Variants in SPIRE1 observed in about 807,000 individuals in gnomAD.
SPIRE1 encodes the protein protein spire homolog 1.
SPIRE1 carries 40 observed loss-of-function variants against 94.1 expected under a neutral mutation model. The observed-to-expected ratio is 0.43, with a 90% CI of 0.33 to 0.55. The LOEUF is 0.55. SPIRE1 is among the 20% of genes least tolerant of loss of function. The pLI, the probability that SPIRE1 is intolerant of heterozygous loss-of-function variation, is 0.06. For synonymous variants in SPIRE1, 376 were observed against 371.7 expected (o/e 1.01, Z -0.13); for missense variants, 838 against 975.2 (o/e 0.86, Z 1.87).
chr18:12,505,264 G>A (rs949075522), intron 6 of SPIRE1, among the ~76,000 whole-genome samples: 1 of 152,198 alleles, frequency 6.6e-6, no homozygotes, highest in African/African-American at 2.4e-5. Flanking sequence ...AGATATTTTG[G>A]CCAAGTGCCG....
chr18:12,461,474 G>A (rs373711606), intron 12 of SPIRE1, among the ~76,000 whole-genome samples: 4 of 147,270 alleles, frequency 2.7e-5, no homozygotes, highest in Non-Finnish European at 6.0e-5. Context: ...ACATATGTAC[G>A]TACATACATA....
intron 3 of SPIRE1, among the ~76,000 whole-genome samples, chr18:12,538,285 CAA>C (rs2034901985): frequency 1.3e-5 from 2 of 151,692 alleles, no homozygotes; most frequent in South Asian, 4.2e-4. Flanking sequence ...TTTATAGTTC[CAA>C]AAAAAGAGAC....
At chr18:12,532,852 A>G (rs1434224488) in intron 4 of SPIRE1, among the ~76,000 whole-genome samples, 1 of 152,222 alleles carries the variant, frequency 6.6e-6, no homozygotes, top group East Asian at 1.9e-4. Context: ...GTCACTCAAG[A>G]TGAGAGAAGT....
intron 1 of SPIRE1, among the ~76,000 whole-genome samples, chr18:12,649,487 T>G (rs750049240): frequency 2.0e-5 from 3 of 152,226 alleles, no homozygotes; most frequent in Admixed American, 1.3e-4. Context: ...TAAACAAATA[T>G]CTGAAAGAAG....
chr18:12,650,901 A>C (rs4796966), intron 1 of SPIRE1, among the ~76,000 whole-genome samples: 22,820 of 150,128 alleles, frequency 0.15, 1,993 homozygotes, highest in Admixed American at 0.23. Context: ...AAAAAGTGAT[A>C]GCAATCTTAT....
intron 2 of SPIRE1, among the ~76,000 whole-genome samples, chr18:12,587,720 T>G (rs1223548833): frequency 2.0e-5 from 3 of 152,122 alleles, no homozygotes; most frequent in Non-Finnish European, 4.4e-5. Flanking sequence ...ACCCAGTGAT[T>G]TAGGCATTAG....
chr18:12,622,280 T>G (rs541552956), intron 2 of SPIRE1, among the ~76,000 whole-genome samples: 82 of 152,276 alleles, frequency 5.4e-4, no homozygotes, highest in African/African-American at 1.8e-3. Context: ...AAAACACATC[T>G]GTGTAGCGTG....
intron 6 of SPIRE1, among the ~76,000 whole-genome samples, chr18:12,500,717 A>G (rs1291287524): frequency 6.6e-6 from 1 of 152,166 alleles, no homozygotes; most frequent in Non-Finnish European, 1.5e-5. Context: ...CCAATTGGAA[A>G]GAACCCAAAT....
intron 5 of SPIRE1, among the ~76,000 whole-genome samples, chr18:12,510,612 G>A (rs538381480): frequency 1.5e-4 from 22 of 150,966 alleles, no homozygotes; most frequent in African/African-American, 3.4e-4. Flanking sequence ...GTGCGATCTC[G>A]GCTCACCCCA....
At chr18:12,649,591 G>A (rs1261189726) in intron 1 of SPIRE1, among the ~76,000 whole-genome samples, 1 of 152,196 alleles carries the variant, frequency 6.6e-6, no homozygotes, top group Non-Finnish European at 1.5e-5. Context: ...GAGAACTGCT[G>A]TTATTTTATA....
chr18:12,504,667 T>C (rs1044602216), intron 6 of SPIRE1, among the ~76,000 whole-genome samples: 1 of 152,198 alleles, frequency 6.6e-6, no homozygotes, highest in Non-Finnish European at 1.5e-5. Flanking sequence ...GTCAGGCCCA[T>C]GTTCTTGTCA....
At chr18:12,510,286 T>C (rs1425394910) in intron 5 of SPIRE1, among the ~76,000 whole-genome samples, 1 of 152,076 alleles carries the variant, frequency 6.6e-6, no homozygotes, top group Non-Finnish European at 1.5e-5. Context: ...ATTTTGATTG[T>C]GGTGATGGTT....
intron 1 of SPIRE1, among the ~76,000 whole-genome samples, chr18:12,646,206 T>C (rs1009717542): frequency 6.6e-6 from 1 of 152,094 alleles, no homozygotes; most frequent in African/African-American, 2.4e-5. Context: ...CCTCACATAG[T>C]CTTCCTTTTA....
upstream of SPIRE1, among the ~76,000 whole-genome samples, chr18:12,661,120 C>A (rs1330319241): frequency 6.6e-6 from 1 of 152,052 alleles, no homozygotes; most frequent in Non-Finnish European, 1.5e-5. Flanking sequence ...CCAGCCTGGC[C>A]AACATGGCAA....
chr18:12,466,188 CAAAAAT>C lies in SPIRE1; in HGVS notation c.1405-1236_1405-1231del, dbSNP rs2032090311. ...AGATCCTAACTTGTTTTAGACTAAA[CAAAAAT>C]AAAGTATAATATTTATTCCTGAAAT... On this transcript the variant is annotated intron_variant, in intron 10 of 16. Coordinates refer to ENST00000409402, the MANE Select transcript of SPIRE1 (RefSeq NM_001128626.2). 2.0e-5 allele frequency among the ~76,000 whole-genome samples: 3 copies of C among 152,144 alleles called. No homozygotes were observed. In the South Asian group the frequency reaches 6.2e-4, roughly 32 times the overall value.
At chr18:12,617,427 T>C (rs1038817372) in intron 2 of SPIRE1, among the ~76,000 whole-genome samples, 1 of 151,972 alleles carries the variant, frequency 6.6e-6, no homozygotes, top group East Asian at 1.9e-4. Flanking sequence ...TTTGTTTGTT[T>C]TGGAGACAGA....
chr18:12,529,908 CTAA>C (rs768938917), intron 4 of SPIRE1, among the ~76,000 whole-genome samples: 43 of 152,176 alleles, frequency 2.8e-4, no homozygotes, highest in Admixed American at 2.8e-3. Flanking sequence ...TCACTGATGA[CTAA>C]TGTTACTGTA....
intron 1 of SPIRE1, among the ~76,000 whole-genome samples, chr18:12,647,164 C>A (rs781043631): frequency 6.6e-6 from 1 of 151,932 alleles, no homozygotes. Context: ...TAATCGAATC[C>A]TTTTTAAATT....
rs1305144439 is a variant in SPIRE1 at position 12,612,776 on chromosome 18, ATGCCCACCTCC to A, written c.372+22275_372+22285del. Among the ~76,000 whole-genome samples the A allele has an allele frequency of 2.0e-5, 3 of 152,176 alleles. No individual in the cohort carries two copies. In the East Asian group the frequency reaches 5.8e-4, roughly 29 times the overall value. Reference sequence around the variant, plus strand: ...GCCACTGCAGGTGCATGGCAGGTGCATGCCCACCTCCAGGCCTGCCAATACTGATCTCTCTG... The same window carrying A: ...GCCACTGCAGGTGCATGGCAGGTGCAAGGCCTGCCAATACTGATCTCTCTG... On this transcript the variant is annotated intron_variant, in intron 2 of 16. Transcript: ENST00000409402.
Sources: allele counts gnomAD v4.1 joint callset (sites outside exome capture counted in the v4.1 genomes callset), GRCh38; gene constraint gnomAD v4.1.1; transcripts MANE v1.5; gene names NCBI Gene and HGNC (gene_info 2026-07-23, HGNC 2026-07-21).